Variants in NLRC5 observed in about 807,000 individuals in gnomAD.
The protein encoded by NLRC5 is NLR family CARD domain containing 5.
In NLRC5, 114 loss-of-function variants were observed where a neutral mutation model predicts 206.9. The ratio of observed to expected loss-of-function variants is 0.55; its 90% CI spans 0.47 to 0.64. The LOEUF is 0.64. Ranked by LOEUF, NLRC5 falls within the 30% of genes least tolerant of loss-of-function variation. NLRC5 has a pLI of 0.00. For synonymous variants in NLRC5, 952 were observed against 962.8 expected, an observed-to-expected ratio of 0.99 and a Z score of 0.21; for missense variants, 2,008 against 2,305.5, an observed-to-expected ratio of 0.87 and a Z score of 2.64.
chr16:57,011,237 A>C (rs1347345243), intron 1 of NLRC5, among the ~76,000 whole-genome samples: 2 of 151,970 alleles, frequency 1.3e-5, no homozygotes, highest in Non-Finnish European at 2.9e-5. Context: ...ATATGGTGAA[A>C]CCCCGTCTCT....
At chr16:57,012,052 C>G (rs62035538) in intron 1 of NLRC5, among the ~76,000 whole-genome samples, 35,551 of 152,120 alleles carry the variant, frequency 0.23, 4,998 homozygotes, top group East Asian at 0.38. Context: ...TAGAATCATT[C>G]CTATTTCTGC....
At chr16:56,997,456 G>A (rs1005183575) in intron 1 of NLRC5, among the ~76,000 whole-genome samples, 1 of 152,156 alleles carries the variant, frequency 6.6e-6, no homozygotes, top group African/African-American at 2.4e-5. Context: ...CCCAGATGAG[G>A]AAAACAGTGG....
intron 19 of NLRC5, among the ~76,000 whole-genome samples, chr16:57,042,670 C>T (rs569617058): frequency 6.6e-6 from 1 of 152,306 alleles, no homozygotes; most frequent in East Asian, 1.9e-4. Flanking sequence ...GGTCACAGGT[C>T]CTATATTCCA....
intron 23 of NLRC5, among the ~76,000 whole-genome samples, chr16:57,051,245 G>A (rs2064854408): frequency 6.6e-6 from 1 of 152,224 alleles, no homozygotes; most frequent in African/African-American, 2.4e-5. Context: ...TTAGTTTGGG[G>A]AAAAGTCTGC....
At chr16:56,991,678 CTTTTT>C (rs35559322) in intron 1 of NLRC5, among the ~76,000 whole-genome samples, 29 of 105,632 alleles carry the variant, frequency 2.7e-4, no homozygotes, top group African/African-American at 1.1e-3. Context: ...GCCCGGACTC[CTTTTT>C]TTTTTTTTTT....
At chr16:57,064,435 C>T (rs2066874741) in intron 32 of NLRC5, among the ~76,000 whole-genome samples, 1 of 152,192 alleles carries the variant, frequency 6.6e-6, no homozygotes, top group Admixed American at 6.5e-5. Context: ...AGAATTCTAT[C>T]ATCTTAAACA....
In NLRC5 at chr16:57,025,458, T is replaced by C; in HGVS notation, c.515T>C (p.Phe172Ser). Residue 172 changes from phenylalanine (F) to serine (S), a missense_variant, in exon 6 of 49, where the codon TTC becomes TCC. Transcript: ENST00000688547. Reference sequence around the variant, plus strand: ...CCTGGGTCAGGGCAGCCCCACGCCTTCCACCAGGTCTATGTCCCTCCAATC... The same window carrying C: ...CCTGGGTCAGGGCAGCCCCACGCCTCCCACCAGGTCTATGTCCCTCCAATC... ...QIPGSGQPHA[F>S]HQVYVPPILR... The C allele has an allele frequency of 6.2e-7, 1 of 1,611,082 alleles. No homozygotes were observed. Among genetic ancestry groups the C allele is most frequent in the South Asian group, 1.1e-5 (1 of 90,660 alleles).
intron 20 of NLRC5, among the ~76,000 whole-genome samples, chr16:57,044,342 C>T (rs533003492): frequency 7.6e-4 from 115 of 151,950 alleles, no homozygotes; most frequent in African/African-American, 2.5e-3. Context: ...TGGGAGCTTC[C>T]TAGTTGCCAC....
At chr16:57,055,200 T>A in intron 26 of NLRC5, 106 bp downstream of exon 26, 1 of 1,227,492 alleles carries the variant, frequency 8.1e-7, no homozygotes, top group Non-Finnish European at 1.2e-6. Flanking sequence ...CACAAAACAT[T>A]CCCCTGGAAC....
intron 1 of NLRC5, among the ~76,000 whole-genome samples, chr16:57,010,653 G>A (rs908352040): frequency 1.8e-4 from 28 of 152,272 alleles, no homozygotes; most frequent in Non-Finnish European, 2.5e-4. Flanking sequence ...GATTACAGGC[G>A]TGAGCCACTG....
rs2064096161 is a variant in NLRC5 at position 57,047,173 on chromosome 16, G to T, written c.3339-372G>T. Among the ~76,000 whole-genome samples the T allele has an allele frequency of 2.6e-5, 4 of 152,196 alleles. No individual in the cohort carries two copies. In the South Asian group the frequency reaches 8.3e-4, roughly 31 times the overall value. On this transcript the variant is annotated intron_variant, in intron 22 of 48. Transcript: ENST00000688547. ...AACAGGGAGAGGCCTGGTCAGATGT[G>T]CAGTGTTAAAATGTGAGACACTTGT...
intron 1 of NLRC5, chr16:56,991,796 G>A (rs1396291355): frequency 6.7e-6 from 1 of 149,848 alleles, no homozygotes; most frequent in Non-Finnish European, 1.5e-5. Context: ...ACCACACCCA[G>A]CCATAACTTC....
chr16:57,071,940 G>A (rs898880729), intron 38 of NLRC5, among the ~76,000 whole-genome samples: 3 of 152,058 alleles, frequency 2.0e-5, no homozygotes, highest in African/African-American at 7.3e-5. Flanking sequence ...TTTCTGGATG[G>A]ACCCAGGTGA....
chr16:57,058,018 C>A, intron 27 of NLRC5, 47 bp from the exon 28 acceptor site: 1 of 1,482,738 alleles, frequency 6.7e-7, no homozygotes, highest in Non-Finnish European at 9.3e-7. Context: ...GCATCTCAGG[C>A]TGAGGAGGCA....
intron 14 of NLRC5, 135 bp downstream of exon 14, chr16:57,036,318 A>G: frequency 1.3e-6 from 1 of 795,116 alleles, no homozygotes; most frequent in Non-Finnish European, 2.1e-6. Flanking sequence ...CAAAGTCAAG[A>G]TGGTTTGACC....
intron 24 of NLRC5, among the ~76,000 whole-genome samples, chr16:57,051,928 T>G (rs2064969317): frequency 6.6e-6 from 1 of 152,032 alleles, no homozygotes; most frequent in Admixed American, 6.6e-5. Flanking sequence ...TCCCCCAGAG[T>G]TGGGACTCAA....
chr16:57,033,806 C>A, intron 12 of NLRC5, 137 bp downstream of exon 12: 1 of 788,414 alleles, frequency 1.3e-6, no homozygotes, highest in Non-Finnish European at 2.1e-6. Context: ...GTGTGGTGCC[C>A]ATCCTGGATA....
At chr16:57,047,764 T>C in intron 23 of NLRC5, 136 bp downstream of exon 23, 2 of 727,610 alleles carry the variant, frequency 2.7e-6, no homozygotes, top group Non-Finnish European at 4.7e-6. Context: ...GAGAGTCCCC[T>C]GGCCTTTGGT....
chr16:57,067,257 T>C lies in NLRC5; in HGVS notation c.4323-130T>C, dbSNP rs1463630588. 1.0e-5 allele frequency: 8 copies of C among 764,180 alleles called. 1 individual carries two copies. Among genetic ancestry groups the C allele is most frequent in the Non-Finnish European group, 1.8e-5 (8 of 435,360 alleles). 47.3% of individuals were successfully genotyped at this position (764,180 alleles called of 1,614,324 possible). On this transcript the variant is annotated intron_variant, in intron 34 of 48. Transcript: ENST00000688547. ...CTTCCTAGCACTTCTCATAAGTGAA[T>C]AGCAAACTGTAGGACTTCATTTGAT... is the stretch of plus-strand genomic sequence containing the variant.
Sources: gnomAD v4.1 joint callset for allele counts (sites outside exome capture counted in the v4.1 genomes callset) on GRCh38, gnomAD v4.1.1 for gene constraint, MANE v1.5 for transcripts, NCBI Gene and HGNC (gene_info 2026-07-23, HGNC 2026-07-21) for gene names.